Variants in HTT observed in about 807,000 individuals in gnomAD.
The protein encoded by HTT is huntingtin.
In HTT, 104 loss-of-function variants were observed where a neutral mutation model predicts 362.3. The ratio of observed to expected loss-of-function variants is 0.29; its 90% CI spans 0.24 to 0.34. The LOEUF is 0.34. HTT is among the 10% of genes least tolerant of loss of function. The probability of loss-of-function intolerance (pLI) is 1.00; values close to 1 mark genes in which losing one functional copy is unlikely to be tolerated. For synonymous variants in HTT, 1,577 were observed against 1,548.7 expected, an observed-to-expected ratio of 1.02 and a Z score of -0.43; for missense variants, 3,301 against 3,928.6, an observed-to-expected ratio of 0.84 and a Z score of 4.27.
chr4:3,113,090 T>C (rs969823313), intron 6 of HTT: 1 of 835,726 alleles, frequency 1.2e-6, no homozygotes, highest in Admixed American at 6.2e-5. Flanking sequence ...CACTATCTAT[T>C]CTAAAATACA....
At position 3,164,287 on chromosome 4, in the gene HTT, C is replaced by T. The variant is rs143563423; in HGVS notation, c.3864+3895C>T. On this transcript the variant is annotated intron_variant, in intron 29 of 66. Coordinates refer to ENST00000355072, the MANE Select transcript of HTT (RefSeq NM_001388492.1). The stretch of plus-strand genomic sequence containing the variant: ...CTAATTTGATTGCACTGTGGTCTGA[C>T]AGACAGTTTGTTGTGATTTCTGTTC... Among the ~76,000 whole-genome samples the T allele has an allele frequency of 3.1e-3, 476 of 152,236 alleles. 4 individuals carry two copies. The highest frequency in any genetic ancestry group is 0.011 in the African/African-American group (463 of 41,548).
intron 53 of HTT, among the ~76,000 whole-genome samples, chr4:3,221,962 CCA>C (rs1218020460): frequency 6.6e-6 from 1 of 152,250 alleles, no homozygotes; most frequent in Admixed American, 6.5e-5. Flanking sequence ...TTAGTTTTAT[CCA>C]CAGAGTTGTG....
At chr4:3,157,047 A>G (rs1279078939) in intron 27 of HTT, 25 bp from the exon 28 acceptor site, 1 of 1,565,802 alleles carries the variant, frequency 6.4e-7, no homozygotes, top group Non-Finnish European at 8.6e-7. Flanking sequence ...CTAAAAGTTT[A>G]TCTTTTGTGT....
rs755474246 is a variant in HTT, at chr4:3,116,170, G to A, written c.975G>A (p.Leu325=). 1 of 1,613,754 alleles carries A rather than the reference G, an allele frequency of 6.2e-7. No homozygotes were observed. Among genetic ancestry groups the A allele is most frequent in the Non-Finnish European group, 8.5e-7 (1 of 1,179,798 alleles). ...CCCTGAGGTATTTGGTGCCCTTGCT[G>A]CAGCAGCAGGTCAAGGACACAAGCC... ...LLTLRYLVPL[L]QQQVKDTSLK... is the part of the protein sequence containing the mutation. Residue 325 remains leucine (L), a synonymous_variant, in exon 8 of 67, where the codon CTG becomes CTA. Transcript: ENST00000355072.
intron 36 of HTT, 46 bp downstream of exon 36, chr4:3,180,697 C>A: frequency 1.3e-6 from 2 of 1,525,000 alleles, no homozygotes; most frequent in South Asian, 1.3e-5. Flanking sequence ...TTTATTGACC[C>A]GTGCAGATGG....
intron 29 of HTT, among the ~76,000 whole-genome samples, chr4:3,164,630 A>C (rs558165238): frequency 6.6e-6 from 1 of 152,258 alleles, no homozygotes; most frequent in African/African-American, 2.4e-5. Context: ...TATATTTAGG[A>C]TAGTTAGCTC....
At chr4:3,111,113 G>C (rs1186848843) in intron 6 of HTT, among the ~76,000 whole-genome samples, 2 of 152,012 alleles carry the variant, frequency 1.3e-5, no homozygotes, top group African/African-American at 4.8e-5. Flanking sequence ...AAATTCCTGG[G>C]CTCAAGCAGC....
chr4:3,090,733 A>T (rs1713457124), intron 2 of HTT, among the ~76,000 whole-genome samples: 1 of 152,244 alleles, frequency 6.6e-6, no homozygotes, highest in South Asian at 2.1e-4. Flanking sequence ...CAGAAATTTA[A>T]AATAATCTTG....
chr4:3,189,195 T>A, intron 40 of HTT, 102 bp downstream of exon 40: 1 of 1,138,754 alleles, frequency 8.8e-7, no homozygotes, highest in Non-Finnish European at 1.3e-6. Context: ...AACTCTGCCT[T>A]GCCCAGTGTG....
At chr4:3,210,885 A>G (rs1348060710) in intron 47 of HTT, among the ~76,000 whole-genome samples, 1 of 142,672 alleles carries the variant, frequency 7.0e-6, no homozygotes, top group East Asian at 2.1e-4. Flanking sequence ...CCCAAAATCC[A>G]TTTACTAAAA....
In HTT at chr4:3,228,041, G is replaced by C. The variant is rs1424924360; in HGVS notation, c.7849-574G>C. Among the ~76,000 whole-genome samples, 1 of 152,206 alleles carries C rather than the reference G, an allele frequency of 6.6e-6. No individual in the cohort carries two copies. The highest frequency in any genetic ancestry group is 2.4e-5 in the African/African-American group (1 of 41,458). Reference sequence around the variant, plus strand: ...GCCCTTGGTGCCAAGAACGTGAGTTGGGGCTAGTGCCAGTGATGATGGAGA... The same window carrying C: ...GCCCTTGGTGCCAAGAACGTGAGTTCGGGCTAGTGCCAGTGATGATGGAGA... On this transcript the variant is annotated intron_variant, in intron 57 of 66. Transcript: ENST00000355072. The surrounding 1 kb of genome is among the most constrained non-coding windows in gnomAD (Gnocchi z 4.3).
intron 53 of HTT, among the ~76,000 whole-genome samples, chr4:3,221,076 C>T (rs1720651587): frequency 6.6e-6 from 1 of 152,076 alleles, no homozygotes; most frequent in Non-Finnish European, 1.5e-5. Context: ...AGTGACTGTG[C>T]CCTGCTGTGG....
chr4:3,102,956 CA>C (rs1461437968), intron 3 of HTT, among the ~76,000 whole-genome samples: 1 of 152,166 alleles, frequency 6.6e-6, no homozygotes, highest in East Asian at 1.9e-4. Context: ...GGCTCTGGGT[CA>C]GGGGGGCAGG....
intron 1 of HTT, among the ~76,000 whole-genome samples, chr4:3,075,641 G>C (rs1302741549): frequency 7.6e-5 from 10 of 130,754 alleles, no homozygotes; most frequent in Non-Finnish European, 1.5e-4. Flanking sequence ...GGCGGGAGTG[G>C]CGGGGCAGGG....
chr4:3,167,022 G>C (rs889675156), intron 29 of HTT, among the ~76,000 whole-genome samples: 1 of 152,210 alleles, frequency 6.6e-6, no homozygotes, highest in Non-Finnish European at 1.5e-5. Context: ...CTTCTGTGTC[G>C]ATCTCACTGG....
intron 29 of HTT, among the ~76,000 whole-genome samples, chr4:3,167,764 A>G (rs1006901069): frequency 9.9e-5 from 15 of 152,162 alleles, no homozygotes; most frequent in African/African-American, 3.6e-4. Flanking sequence ...GTGTGTATGT[A>G]TATATTTTTA....
intron 64 of HTT, among the ~76,000 whole-genome samples, chr4:3,238,179 T>C (rs1363669016): frequency 1.3e-5 from 2 of 152,208 alleles, no homozygotes; most frequent in Non-Finnish European, 2.9e-5. Flanking sequence ...CTACAGGGTG[T>C]GGGAGCCCAG....
chr4:3,084,198 CTTTTTTTTTTT>C (rs4038024), intron 1 of HTT, among the ~76,000 whole-genome samples: 3 of 81,956 alleles, frequency 3.7e-5, no homozygotes, highest in African/African-American at 1.3e-4. Context: ...AATGCTTTGT[CTTTTTTTTTTT>C]TTTTTTTTTT....
At chr4:3,167,498 G>A (rs928903988) in intron 29 of HTT, among the ~76,000 whole-genome samples, 13 of 151,330 alleles carry the variant, frequency 8.6e-5, no homozygotes, top group African/African-American at 2.7e-4. Context: ...AAATTTGAAC[G>A]TGAGATTATA....
Sources: allele counts gnomAD v4.1 joint callset (sites outside exome capture counted in the v4.1 genomes callset), GRCh38; gene constraint gnomAD v4.1.1; non-coding constraint Gnocchi (gnomAD v3.1); transcripts MANE v1.5; gene names NCBI Gene and HGNC (gene_info 2026-07-23, HGNC 2026-07-21).